The following TF variants were observed in gnomAD, a reference collection of about 807,000 sequenced individuals.
TF encodes the protein transferrin.
TF carries 55 observed loss-of-function variants against 82.4 expected under a neutral mutation model. The ratio of observed to expected loss-of-function variants is 0.67; its 90% CI spans 0.54 to 0.84. The LOEUF is 0.84. Ranked by LOEUF, TF falls within the 40% of genes least tolerant of loss-of-function variation. TF has a pLI of 0.00. For synonymous variants in TF, 332 were observed against 332.6 expected (o/e 1.00, Z 0.02); for missense variants, 737 against 868.4 (o/e 0.85, Z 1.90).
the TF span, chr3:133,701,961 G>C: frequency 9.8e-5 from 15 of 153,254 alleles, no homozygotes; most frequent in Non-Finnish European, 2.0e-4. Context: ...CCCAGGGTGC[G>C]GTGGTGCGCA....
chr3:133,663,866 C>T, the TF span, among the ~76,000 whole-genome samples: 7 of 152,300 alleles, frequency 4.6e-5, no homozygotes, highest in African/African-American at 1.2e-4. Flanking sequence ...AGAAAATGCA[C>T]CCTTTAGCTT....
At chr3:133,748,001 C>T (rs988953278) in intron 1 of TF, 17 of 199,024 alleles carry the variant, frequency 8.5e-5, no homozygotes, top group African/African-American at 2.5e-4. Flanking sequence ...ATTCCTCCCC[C>T]GCTGGTTTTC....
the TF span, among the ~76,000 whole-genome samples, chr3:133,691,214 G>T: frequency 1.3e-5 from 2 of 152,176 alleles, no homozygotes; most frequent in Admixed American, 1.3e-4. Context: ...CTGTGAAGTT[G>T]CTTGCTTCTT....
chr3:133,763,225 G>C (rs1255163811), intron 9 of TF, among the ~76,000 whole-genome samples: 1 of 151,942 alleles, frequency 6.6e-6, no homozygotes, highest in African/African-American at 2.4e-5. Context: ...GCTGTTGGGG[G>C]GTGCTTTTTA....
chr3:133,721,764 C>G, the TF span, among the ~76,000 whole-genome samples: 1 of 152,102 alleles, frequency 6.6e-6, no homozygotes. Context: ...TTTGGGTGCT[C>G]CACTATTGGA....
At chr3:133,663,927 A>G in the TF span, among the ~76,000 whole-genome samples, 1 of 152,322 alleles carries the variant, frequency 6.6e-6, no homozygotes, top group South Asian at 2.1e-4. Flanking sequence ...TTAGAGTAAG[A>G]GTTCACCACT....
the TF span, among the ~76,000 whole-genome samples, chr3:133,711,854 G>A: frequency 6.6e-6 from 1 of 151,964 alleles, no homozygotes; most frequent in African/African-American, 2.4e-5. Flanking sequence ...GCCCCCCACT[G>A]CACTCACCGT....
chr3:133,704,082 G>A, the TF span: 1 of 152,770 alleles, frequency 6.5e-6, no homozygotes, highest in Admixed American at 6.5e-5. Context: ...TCTAAACCCT[G>A]TGTTTACATG....
At chr3:133,735,676 C>T in the TF span, among the ~76,000 whole-genome samples, 551 of 151,648 alleles carry the variant, frequency 3.6e-3, 5 homozygotes, top group African/African-American at 0.013. Flanking sequence ...CCAATTGTGC[C>T]GAATTGATCA....
chr3:133,765,682 G>C (rs1310646477), intron 11 of TF, among the ~76,000 whole-genome samples: 1 of 152,190 alleles, frequency 6.6e-6, no homozygotes, highest in Non-Finnish European at 1.5e-5. Flanking sequence ...TCTGTTTTCT[G>C]TTGGAAACTG....
chr3:133,700,008 C>G, the TF span: 2 of 171,628 alleles, frequency 1.2e-5, no homozygotes, highest in African/African-American at 4.8e-5. Flanking sequence ...AACGCTCTCT[C>G]CTTAGCACTG....
intron 13 of TF, among the ~76,000 whole-genome samples, chr3:133,768,602 C>T (rs1934185752): frequency 1.5e-5 from 2 of 133,110 alleles, no homozygotes; most frequent in African/African-American, 5.6e-5. Context: ...TGATACCCTA[C>T]TGTAGTTGAA....
chr3:133,781,270 C>G lies in TF; in HGVS notation c.*2650C>G, dbSNP rs143626416. The G allele has an allele frequency of 2.6e-5, 4 of 151,918 alleles. No homozygotes were observed. Among genetic ancestry groups the G allele is most frequent in the Non-Finnish European group, 4.4e-5 (3 of 68,000 alleles). The allele number at this position is 151,918 out of a possible 1,614,324, so 9.4% of individuals were successfully genotyped here. A position where few individuals can be genotyped will look rare whatever the true frequency, so the allele number is the denominator to read the frequency against. On this transcript the variant is annotated 3_prime_UTR_variant, in exon 17 of 17. Coordinates refer to ENST00000402696, the MANE Select transcript of TF (RefSeq NM_001063.4). ...GGCAGAAGTTGTGGTGAGCCGAGAT[C>G]GCACCATTGCACTCCAGTCTAGACA...
At chr3:133,755,200 A>G (rs1044694499) in intron 4 of TF, among the ~76,000 whole-genome samples, 163 bp from the exon 5 acceptor site, 2 of 152,256 alleles carry the variant, frequency 1.3e-5, no homozygotes, top group African/African-American at 4.8e-5. Context: ...TGTTCCTATT[A>G]GAAATCCTTG....
chr3:133,674,009 T>C, the TF span, among the ~76,000 whole-genome samples: 1 of 151,814 alleles, frequency 6.6e-6, no homozygotes, highest in Non-Finnish European at 1.5e-5. Context: ...GTCATTTGGG[T>C]AGAGTTTCCG....
At chr3:133,669,680 C>G in the TF span, among the ~76,000 whole-genome samples, 1 of 152,376 alleles carries the variant, frequency 6.6e-6, no homozygotes, top group Non-Finnish European at 1.5e-5. Flanking sequence ...CAGAACCTCT[C>G]TCAGCCTGGA....
chr3:133,767,986 A>C (rs1370458600), intron 12 of TF, 43 bp from the exon 13 acceptor site: 5 of 1,613,730 alleles, frequency 3.1e-6, no homozygotes, highest in Non-Finnish European at 4.2e-6. Context: ...AGCTGCTTGC[A>C]TTGACTCAGG....
chr3:133,748,868 C>T (rs1933583096), intron 2 of TF, among the ~76,000 whole-genome samples: 2 of 152,004 alleles, frequency 1.3e-5, no homozygotes, highest in Non-Finnish European at 2.9e-5. Flanking sequence ...TATAAGAATG[C>T]CTGCTATCAG....
chr3:133,778,884 T>C lies in TF; in HGVS notation c.*264T>C. On this transcript the variant is annotated 3_prime_UTR_variant, in exon 17 of 17. Coordinates refer to ENST00000402696, the MANE Select transcript of TF (RefSeq NM_001063.4). ...TGCAACTGAGCCCTTCCTTCTCAGCTCAAGATTCGTCTGGTCTTTCCCTAC... is the reference window on the plus strand; with the variant it reads ...TGCAACTGAGCCCTTCCTTCTCAGCCCAAGATTCGTCTGGTCTTTCCCTAC... 1 of 390,944 alleles carries C rather than the reference T, an allele frequency of 2.6e-6. No individual in the cohort carries two copies. 24.2% of individuals were successfully genotyped at this position (390,944 alleles called of 1,614,324 possible).
Sources: allele counts gnomAD v4.1 joint callset (sites outside exome capture counted in the v4.1 genomes callset), GRCh38; gene constraint gnomAD v4.1.1; transcripts MANE v1.5; gene names NCBI Gene and HGNC (gene_info 2026-07-23, HGNC 2026-07-21).